RRP7A: variants seen among roughly 807,000 people sequenced by gnomAD.
RRP7A encodes ribosomal RNA-processing protein 7 homolog A.
In RRP7A, 27 loss-of-function variants were observed where a neutral mutation model predicts 38.4. The ratio of observed to expected loss-of-function variants is 0.70; its 90% confidence interval spans 0.52 to 0.97. RRP7A has a LOEUF of 0.97. Ranked by LOEUF, RRP7A falls within the 50% of genes least tolerant of loss-of-function variation. RRP7A has a pLI of 0.00. For synonymous variants in RRP7A, 124 were observed against 150.3 expected (o/e 0.83, Z 1.28); for missense variants, 327 against 375.4 (o/e 0.87, Z 1.07).
intron 3 of RRP7A, among the ~76,000 whole-genome samples, chr22:42,515,485 A>G (rs137883332): frequency 2.0e-5 from 3 of 152,078 alleles, no homozygotes; most frequent in Non-Finnish European, 4.4e-5. Flanking sequence ...GCTGTTCCCA[A>G]CTCCTCCCCA....
chr22:42,511,800 T>C lies in RRP7A; in HGVS notation c.*1110A>G, dbSNP rs1454520275. 1 of 305,130 alleles carries C rather than the reference T, an allele frequency of 3.3e-6. No homozygotes were observed. The highest frequency in any genetic ancestry group is 2.2e-5 in the African/African-American group (1 of 46,172). The allele number at this position is 305,130 out of a possible 1,614,324, so 18.9% of individuals were successfully genotyped here. The stretch of plus-strand genomic sequence containing the variant: ...CTGCAGGCTGCTCACGTCATCTCAT[T>C]ATCTTTTCTCACGAGGACTACTTCG... On this transcript the variant is annotated 3_prime_UTR_variant, in exon 7 of 7. Coordinates refer to ENST00000323013, the MANE Select transcript of RRP7A (RefSeq NM_015703.5).
At chr22:42,517,432 T>A (rs1920933529) in intron 2 of RRP7A, among the ~76,000 whole-genome samples, 1 of 151,884 alleles carries the variant, frequency 6.6e-6, no homozygotes, top group African/African-American at 2.4e-5. Flanking sequence ...TACTTTTAAA[T>A]TATGGACATG....
Position 42,519,696 on chromosome 22 carries a change from C to A in RRP7A, c.73+18G>T. The A allele has an allele frequency of 1.4e-6, 2 of 1,443,422 alleles. No individual in the cohort carries two copies. The highest frequency in any genetic ancestry group is 1.8e-6 in the Non-Finnish European group (2 of 1,098,104). The allele number at this position is 1,443,422 out of a possible 1,614,324, so 89.4% of individuals were successfully genotyped here. A position where few individuals can be genotyped will look rare whatever the true frequency, so the allele number is the denominator to read the frequency against. On this transcript the variant is annotated intron_variant, in intron 1 of 6. Transcript: ENST00000323013. ...CGATGCCTGACCGCCCCCGGTCTCGCGTCCCGGAGCCCCTCACCTGCGTAG... is the reference window on the plus strand; with the variant it reads ...CGATGCCTGACCGCCCCCGGTCTCGAGTCCCGGAGCCCCTCACCTGCGTAG...
rs1333108849 is a variant in RRP7A, at chr22:42,509,574, G to A, written c.*3336C>T. Among the ~76,000 whole-genome samples, 6 of 150,248 alleles carry A rather than the reference G, an allele frequency of 4.0e-5. No individual in the cohort carries two copies. The highest frequency in any genetic ancestry group is 1.5e-4 in the African/African-American group (6 of 41,190). On this transcript the variant is annotated 3_prime_UTR_variant, in exon 7 of 7. Transcript: ENST00000323013. ...TCTCCATCTCCTGACCTCATGATCC[G>A]CCTGCCTCGGCCTCCCAGTGTTGGG... is the stretch of plus-strand genomic sequence containing the variant.
In RRP7A at chr22:42,510,729, G is replaced by T; in HGVS notation, c.*2181C>A. On this transcript the variant is annotated 3_prime_UTR_variant, in exon 7 of 7. Coordinates refer to ENST00000323013, the MANE Select transcript of RRP7A (RefSeq NM_015703.5). ...ATGAAATCCACCCTCAAAGAGGTAA[G>T]GCGGGGCTCAGGCAGCTGGTGTCCA... 6.6e-7 allele frequency: 1 copy of T among 1,515,026 alleles called. No homozygotes were observed. Among genetic ancestry groups the T allele is most frequent in the Non-Finnish European group, 8.9e-7 (1 of 1,123,232 alleles). 93.8% of individuals were successfully genotyped at this position (1,515,026 alleles called of 1,614,324 possible).
In RRP7A at chr22:42,510,093, T is replaced by TA. The variant is rs1357811016; in HGVS notation, c.*2816dup. On this transcript the variant is annotated 3_prime_UTR_variant, in exon 7 of 7. Transcript: ENST00000323013. Reference sequence around the variant, plus strand: ...CATTCTCCTGCCTCAGCCTCCGGAGTAGCTGGGACTACAGGCACCCACCAC... The same window carrying TA: ...CATTCTCCTGCCTCAGCCTCCGGAGTAAGCTGGGACTACAGGCACCCACCAC... 1 of 150,702 alleles carries TA rather than the reference T, an allele frequency of 6.6e-6. No individual in the cohort carries two copies. The allele number at this position is 150,702 out of a possible 1,614,324, so 9.3% of individuals were successfully genotyped here.
At chr22:42,516,420 A>C (rs1920929965) in intron 2 of RRP7A, 1 of 472,614 alleles carries the variant, frequency 2.1e-6, no homozygotes, top group Non-Finnish European at 4.1e-6. Context: ...AGTGATTCTC[A>C]TGCCTCAGTC....
chr22:42,515,548 G>C (rs1920927385), intron 3 of RRP7A, among the ~76,000 whole-genome samples: 1 of 152,244 alleles, frequency 6.6e-6, no homozygotes, highest in Admixed American at 6.5e-5. Context: ...GGGATGCGGT[G>C]AAACACAGGG....
At chr22:42,515,890 A>G in intron 3 of RRP7A, 121 bp downstream of exon 3, 1 of 1,276,378 alleles carries the variant, frequency 7.8e-7, no homozygotes, top group Non-Finnish European at 1.1e-6. Flanking sequence ...TACACCACAC[A>G]CGGTGAGGAT....
At position 42,518,067 on chromosome 22, in the gene RRP7A, T is replaced by G; in HGVS notation, c.154A>C (p.Lys52Gln). The G allele has an allele frequency of 6.2e-7, 1 of 1,614,134 alleles. No individual in the cohort carries two copies. Among genetic ancestry groups the G allele is most frequent in the Non-Finnish European group, 8.5e-7 (1 of 1,179,992 alleles). The change falls in exon 2 of 7, where the codon AAG becomes CAG. Residue 52 changes from lysine (K) to glutamine (Q), a missense_variant. By Grantham distance (53) the Lys-to-Gln change is moderately conservative (BLOSUM62 1). Around this residue, in one of 5 missense-constraint regions of RRP7A, gnomAD observed 183 missense variants for 141.8 expected, o/e 1.29. Transcript: ENST00000323013. Reference protein sequence around the residue: ...VRAHGVRQGTKSTWPQKRTLF... With the variant: ...VRAHGVRQGTQSTWPQKRTLF... ...GTCCTCTTCTGAGGCCAGGTGGACT[T>G]GGTGCCTTGTCGAACGCCGTGTGCT... is the stretch of plus-strand genomic sequence containing the variant.
intron 2 of RRP7A, among the ~76,000 whole-genome samples, chr22:42,517,175 G>T (rs941099196): frequency 1.3e-5 from 2 of 151,932 alleles, no homozygotes; most frequent in African/African-American, 4.8e-5. Flanking sequence ...CTGCTTGGGA[G>T]GCTGCGGCAG....
chr22:42,509,102 G>A lies in RRP7A; in HGVS notation c.*3808C>T, dbSNP rs1334375798. 6.2e-7 allele frequency: 1 copy of A among 1,614,140 alleles called. No homozygotes were observed. Among genetic ancestry groups the A allele is most frequent in the African/African-American group, 1.3e-5 (1 of 75,052 alleles). The stretch of plus-strand genomic sequence containing the variant: ...TCAGGAAGCTGCAGGCCCATGTCCT[G>A]TTGATCAAGTGAGTCTGGACCCATC... On this transcript the variant is annotated 3_prime_UTR_variant, in exon 7 of 7. Coordinates refer to ENST00000323013, the MANE Select transcript of RRP7A (RefSeq NM_015703.5).
At position 42,515,980 on chromosome 22, in the gene RRP7A, C is replaced by G. The variant is rs778003047; in HGVS notation, c.342+31G>C. ...TGGGGACAGTGCCCCACCCCCCTCA[C>G]TCTAGTGGAACCCCGGGCTTGGCGG... On this transcript the variant is annotated intron_variant, in intron 3 of 6. Transcript: ENST00000323013. The G allele has an allele frequency of 8.3e-6, 13 of 1,567,392 alleles. 1 individual carries two copies. The South Asian group carries it at 1.4e-4, about 17-fold the overall frequency.
chr22:42,513,841 G>C (rs891753074), intron 6 of RRP7A, among the ~76,000 whole-genome samples: 531 of 151,972 alleles, frequency 3.5e-3, no homozygotes, highest in African/African-American at 0.012. Context: ...AAGTGCACAG[G>C]GACCCAGAGG....
rs1417460073 is a variant in RRP7A at position 42,508,462 on chromosome 22, A to G, written c.*4448T>C. On this transcript the variant is annotated 3_prime_UTR_variant, in exon 7 of 7. Coordinates refer to ENST00000323013, the MANE Select transcript of RRP7A (RefSeq NM_015703.5). Reference sequence around the variant, plus strand: ...TCCAGCTTCGTGTCACACCTACAGCACATCTCACTCAAGCTGGCCACATCC... The same window carrying G: ...TCCAGCTTCGTGTCACACCTACAGCGCATCTCACTCAAGCTGGCCACATCC... Among the ~76,000 whole-genome samples, 1 of 152,130 alleles carries G rather than the reference A, an allele frequency of 6.6e-6. No individual in the cohort carries two copies. The highest frequency in any genetic ancestry group is 1.5e-5 in the Non-Finnish European group (1 of 68,024).
At position 42,508,861 on chromosome 22, in the gene RRP7A, C is replaced by CT. The variant is rs1484383720; in HGVS notation, c.*4048dup. On this transcript the variant is annotated 3_prime_UTR_variant, in exon 7 of 7. Coordinates refer to ENST00000323013, the MANE Select transcript of RRP7A (RefSeq NM_015703.5). ...GGCAGGAGTCTCTGGCCACCAGGGG[C>CT]TAAAGAGCCTTCGATGAGGCAGTGA... Among the ~76,000 whole-genome samples, 1 of 152,164 alleles carries CT rather than the reference C, an allele frequency of 6.6e-6. No individual in the cohort carries two copies. Among genetic ancestry groups the CT allele is most frequent in the Non-Finnish European group, 1.5e-5 (1 of 68,012 alleles).
chr22:42,519,669 G>A (rs1258971235), intron 1 of RRP7A, 45 bp downstream of exon 1: 1 of 1,420,424 alleles, frequency 7.0e-7, no homozygotes, highest in Non-Finnish European at 9.2e-7. Flanking sequence ...AACACCTCCC[G>A]GCGATGCCTG....
intron 2 of RRP7A, among the ~76,000 whole-genome samples, chr22:42,517,802 G>T (rs1301616299): frequency 6.6e-6 from 1 of 152,216 alleles, no homozygotes; most frequent in Non-Finnish European, 1.5e-5. Flanking sequence ...TTACAGGCAT[G>T]AGCCACCGTG....
chr22:42,516,445 G>C, intron 2 of RRP7A: 1 of 421,720 alleles, frequency 2.4e-6, no homozygotes, highest in Non-Finnish European at 4.6e-6. Context: ...GAGCAGCTGG[G>C]ATTACAAGCG....
Sources: gnomAD v4.1 joint callset for allele counts (sites outside exome capture counted in the v4.1 genomes callset) on GRCh38, gnomAD v4.1.1 for gene constraint, gnomAD v4.1.1 regional missense constraint, MANE v1.5 for transcripts, NCBI Gene and HGNC (gene_info 2026-07-23, HGNC 2026-07-21) for gene names.